Variants in MSL1 observed in about 807,000 individuals in gnomAD.
MSL1 encodes male-specific lethal 1 homolog.
Under a neutral mutation model 64.6 loss-of-function variants are expected in MSL1, and 21 were observed. The observed-to-expected ratio is 0.33, with a 90% CI of 0.23 to 0.47. The LOEUF (loss-of-function observed/expected upper bound fraction) is 0.47, where lower values mean the gene tolerates loss of function less well. MSL1 is among the 20% of genes least tolerant of loss of function. MSL1 has a pLI of 1.00. For missense variants in MSL1, 664 were observed against 793.2 expected, an observed-to-expected ratio of 0.84 and a Z score of 1.96; for synonymous variants, 339 against 329.6, an observed-to-expected ratio of 1.03 and a Z score of -0.31.
At chr17:40,133,977 G>T (rs970332011) in intron 8 of MSL1, 78 bp downstream of exon 8, 1 of 1,307,846 alleles carries the variant, frequency 7.6e-7, no homozygotes, top group Non-Finnish European at 1.1e-6. Flanking sequence ...TAGATATGAG[G>T]TGGAACCAGG....
rs1235004824 is a variant in MSL1 at position 40,126,331 on chromosome 17, C to T, written c.917C>T (p.Pro306Leu). The change falls in exon 2 of 9, where the codon CCG becomes CTG. Residue 306 changes from proline to leucine, a missense_variant. Pro to Leu is a moderately conservative substitution (Grantham distance 98, BLOSUM62 -3). Transcript: ENST00000398532. ...GAGAAAATTAAACTGGAGTGCCAGC[C>T]GGAGCTTTCCGAGACATCCCAGACT... ...LSEKIKLECQ[P>L]ELSETSQTLP... The T allele has an allele frequency of 9.3e-6, 15 of 1,613,820 alleles. No homozygotes were observed. The highest frequency in any genetic ancestry group is 1.6e-4 in the Middle Eastern group (1 of 6,084).
Position 40,126,283 on chromosome 17 carries a change from A to G in MSL1, c.869A>G (p.Glu290Gly), listed in dbSNP as rs201538042. The change falls in exon 2 of 9, where the codon GAG becomes GGG. Residue 290 changes from glutamate (E) to glycine (G), a missense_variant. This residue lies in a region of MSL1 where 466 missense variants were observed against 499.0 expected (regional missense o/e 0.93). Transcript: ENST00000398532. ...CTGTTTCAGGGCTATGAAACTGAAG[A>G]GAGAGAGGAAACAGAGCTATCTGAG... ...HKLFQGYETE[E>G]REETELSEKI... 2.2e-3 allele frequency: 3,483 copies of G among 1,614,044 alleles called. 10 individuals are homozygous for G. Among genetic ancestry groups the G allele is most frequent in the Non-Finnish European group, 2.4e-3 (2,802 of 1,179,888 alleles).
At chr17:40,128,995 C>T (rs1295171945) in intron 2 of MSL1, among the ~76,000 whole-genome samples, 1 of 151,960 alleles carries the variant, frequency 6.6e-6, no homozygotes, top group African/African-American at 2.4e-5. Context: ...GCTTGGGTGA[C>T]AGAGCAAGAC....
At chr17:40,130,504 T>C (rs144095073) in intron 3 of MSL1, among the ~76,000 whole-genome samples, 1 of 152,196 alleles carries the variant, frequency 6.6e-6, no homozygotes, top group East Asian at 1.9e-4. Context: ...TCTGGGGTAA[T>C]GGTTGGGGAG....
chr17:40,126,530 C>T (rs528681729), intron 2 of MSL1, 124 bp downstream of exon 2: 48 of 901,096 alleles, frequency 5.3e-5, no homozygotes, highest in Middle Eastern at 6.9e-4. Context: ...TGCGGAGGGC[C>T]GGGTGTGGTG....
intron 3 of MSL1, 86 bp downstream of exon 3, chr17:40,129,713 A>C (rs1988402758): frequency 1.5e-6 from 2 of 1,370,482 alleles, no homozygotes; most frequent in Non-Finnish European, 1.9e-6. Flanking sequence ...ATTTTTAAAA[A>C]AGTGCAATCA....
Position 40,131,539 on chromosome 17 carries a change from T to G in MSL1, c.1378T>G (p.Cys460Gly), listed in dbSNP as rs755583438. ...SPKKEETVARCLMPSSVAGET... is the reference protein window; with the variant it reads ...SPKKEETVARGLMPSSVAGET... ...TTCTTCTTTCCTGCATTATTTAGGG[T>G]GTCTGATGCCATCAAGTGTTGCAGG... The change falls in exon 4 of 9, where the codon TGT (cysteine) becomes GGT (glycine). Residue 460 changes from cysteine (C) to glycine (G), a missense_variant and splice_region_variant. Cys to Gly is a radical substitution (Grantham distance 159). Transcript: ENST00000398532. The surrounding 1 kb of genome is among the most constrained non-coding windows in gnomAD (Gnocchi z 4.5). 1.9e-6 allele frequency: 3 copies of G among 1,613,692 alleles called. No homozygotes were observed. In the South Asian group the frequency reaches 3.3e-5, roughly 18 times the overall value.
At chr17:40,129,142 T>C in intron 2 of MSL1, 103 bp from the exon 3 acceptor site, 1 of 1,017,632 alleles carries the variant, frequency 9.8e-7, no homozygotes, top group Non-Finnish European at 1.4e-6. Context: ...CTTGTCATTT[T>C]GGGGCAAAAG....
rs1988196754 is a variant in MSL1 at position 40,122,399 on chromosome 17, C to T, written c.-214C>T. ...GAGGCGGCGGCGAGGCCCCCATGGG[C>T]CGGCGGCGGGCCTCAGCCGCGGCCT... On this transcript the variant is annotated 5_prime_UTR_variant, in exon 1 of 9. Coordinates refer to ENST00000398532, the MANE Select transcript of MSL1 (RefSeq NM_001365919.1). The surrounding 1 kb of genome is among the most constrained non-coding windows in gnomAD (Gnocchi z 4.2). The T allele has an allele frequency of 1.2e-5, 4 of 330,200 alleles. No homozygotes were observed. The highest frequency in any genetic ancestry group is 2.2e-5 in the Non-Finnish European group (4 of 183,270). 20.5% of individuals were successfully genotyped at this position (330,200 alleles called of 1,614,324 possible).
chr17:40,126,818 AAAG>A (rs1181476881), intron 2 of MSL1: 2 of 173,546 alleles, frequency 1.2e-5, no homozygotes, highest in South Asian at 2.4e-4. Context: ...AAAAAAAAAA[AAAG>A]AAGTCTTCTA....
chr17:40,122,545 A>T lies in MSL1; in HGVS notation c.-68A>T. 1.9e-6 allele frequency: 1 copy of T among 515,702 alleles called. No individual in the cohort carries two copies. Among genetic ancestry groups the T allele is most frequent in the Non-Finnish European group, 2.9e-6 (1 of 339,616 alleles). 31.9% of individuals were successfully genotyped at this position (515,702 alleles called of 1,614,324 possible). A position where few individuals can be genotyped will look rare whatever the true frequency, so the allele number is the denominator to read the frequency against. On this transcript the variant is annotated 5_prime_UTR_variant, in exon 1 of 9. Coordinates refer to ENST00000398532, the MANE Select transcript of MSL1 (RefSeq NM_001365919.1). The surrounding 1 kb of genome is among the most constrained non-coding windows in gnomAD (Gnocchi z 4.2). ...CTCCCCTCCCCCCCCTCAGTCCTCGACCCCCCGCACCTCGCCCCTTCCCCA... is the reference window on the plus strand; with the variant it reads ...CTCCCCTCCCCCCCCTCAGTCCTCGTCCCCCCGCACCTCGCCCCTTCCCCA...
chr17:40,128,165 C>A (rs780486305), intron 2 of MSL1, among the ~76,000 whole-genome samples: 1 of 151,734 alleles, frequency 6.6e-6, no homozygotes, highest in African/African-American at 2.4e-5. Context: ...AGATGACTTT[C>A]TTGGGATGTG....
At chr17:40,129,837 A>T (rs572771915) in intron 3 of MSL1, 1 of 552,008 alleles carries the variant, frequency 1.8e-6, no homozygotes, top group South Asian at 2.6e-5. Flanking sequence ...TTGCCTGCTT[A>T]CAACACTGGG....
Position 40,123,126 on chromosome 17 carries a change from C to A in MSL1, c.514C>A (p.Pro172Thr). Reference protein sequence around the residue: ...PAATASDPAGPPPLPLPGPPP... With the variant: ...PAATASDPAGTPPLPLPGPPP... ...TGCCACCGCCTCGGACCCGGCGGGA[C>A]CCCCACCACTACCTCTGCCCGGGCC... The change falls in exon 1 of 9, where the codon CCC becomes ACC. Residue 172 changes from proline (P) to threonine (T), a missense_variant. By Grantham distance (38) the Pro-to-Thr change is conservative (BLOSUM62 -1). Around this residue, in one of 4 missense-constraint regions of MSL1, gnomAD observed 466 missense variants for 499.0 expected, o/e 0.93. Transcript: ENST00000398532. The A allele has an allele frequency of 6.5e-7, 1 of 1,532,164 alleles. No individual in the cohort carries two copies. Among genetic ancestry groups the A allele is most frequent in the Non-Finnish European group, 8.7e-7 (1 of 1,145,254 alleles). The allele number at this position is 1,532,164 out of a possible 1,614,324, so 94.9% of individuals were successfully genotyped here.
In MSL1 at chr17:40,126,201, C is replaced by G. The variant is rs767140518; in HGVS notation, c.787C>G (p.Arg263Gly). 1.2e-6 allele frequency: 2 copies of G among 1,613,824 alleles called. No individual in the cohort carries two copies. The highest frequency in any genetic ancestry group is 8.5e-7 in the Non-Finnish European group (1 of 1,179,854). The part of the protein sequence containing the change: ...ERDTLLARIE[R>G]MERRMQLVKK... ...CTTTTAGCTCCTTGCTCGGATTGAACGTATGGAAAGGCGGATGCAGCTGGT... is the reference window on the plus strand; with the variant it reads ...CTTTTAGCTCCTTGCTCGGATTGAAGGTATGGAAAGGCGGATGCAGCTGGT... Residue 263 changes from arginine (R) to glycine (G), a missense_variant, in exon 2 of 9, where the codon CGT (arginine) becomes GGT (glycine). Transcript: ENST00000398532.
At chr17:40,123,939 G>C (rs867739818) in intron 1 of MSL1, among the ~76,000 whole-genome samples, 46 of 152,248 alleles carry the variant, frequency 3.0e-4, no homozygotes, top group African/African-American at 1.1e-3. Context: ...TTTGATTTCA[G>C]ACAGCTTTTA....
rs1225764417 is a variant in MSL1 at position 40,135,273 on chromosome 17, T to G, written c.*904T>G. 2.0e-5 allele frequency: 3 copies of G among 152,250 alleles called. No homozygotes were observed. Among genetic ancestry groups the G allele is most frequent in the African/African-American group, 7.2e-5 (3 of 41,412 alleles). 9.4% of individuals were successfully genotyped at this position (152,250 alleles called of 1,614,324 possible). On this transcript the variant is annotated 3_prime_UTR_variant, in exon 9 of 9. Coordinates refer to ENST00000398532, the MANE Select transcript of MSL1 (RefSeq NM_001365919.1). The stretch of plus-strand genomic sequence containing the variant: ...AGAGTGTGGAAATAGGTGCTTCCTT[T>G]GGCTGGCAAATGTCTACATCTTGAA...
chr17:40,124,369 C>T (rs532357528), intron 1 of MSL1, among the ~76,000 whole-genome samples: 19 of 150,732 alleles, frequency 1.3e-4, no homozygotes, highest in African/African-American at 4.4e-4. Flanking sequence ...CTTTCCCTTT[C>T]TCTCTCTCTC....
intron 5 of MSL1, 134 bp downstream of exon 5, chr17:40,132,232 A>G: frequency 1.6e-6 from 1 of 621,680 alleles, no homozygotes; most frequent in Non-Finnish European, 2.8e-6. Flanking sequence ...GAAATTATCT[A>G]GTCCAGCTCC....
Sources: allele counts gnomAD v4.1 joint callset (sites outside exome capture counted in the v4.1 genomes callset), GRCh38; gene constraint gnomAD v4.1.1; regional missense constraint gnomAD v4.1.1; non-coding constraint Gnocchi (gnomAD v3.1); transcripts MANE v1.5; gene names NCBI Gene and HGNC (gene_info 2026-07-23, HGNC 2026-07-21).